Variants in OR2AG1 observed in about 807,000 individuals in gnomAD.
OR2AG1 encodes the protein olfactory receptor family 2 subfamily AG member 1, also known as olfactory receptor 2AG1.
For synonymous variants in OR2AG1, 157 were observed against 155.6 expected (o/e 1.01, Z -0.07); for missense variants, 391 against 385.9 (o/e 1.01, Z -0.11).
chr11:6,788,151 T>C lies in OR2AG1; in HGVS notation c.*2163T>C, dbSNP rs2133029898. 1 of 152,280 alleles carries C rather than the reference T, an allele frequency of 6.6e-6. No individual in the cohort carries two copies. Among genetic ancestry groups the C allele is most frequent in the African/African-American group, 2.4e-5 (1 of 41,548 alleles). 9.4% of individuals were successfully genotyped at this position (152,280 alleles called of 1,614,324 possible). ...GAAAGAGAAATATTTAAAATATTTG[T>C]ATAGTGAAGGATATCTTTTATTTTT... On this transcript the variant is annotated 3_prime_UTR_variant, in exon 2 of 2. Coordinates refer to ENST00000641258, the MANE Select transcript of OR2AG1 (RefSeq NM_001004489.3).
Position 6,787,726 on chromosome 11 carries a change from T to C in OR2AG1, c.*1738T>C, listed in dbSNP as rs2741749. 0.39 allele frequency: 58,682 copies of C among 151,462 alleles called. 12,080 individuals carry two copies. The highest frequency in any genetic ancestry group is 0.48 in the East Asian group (2,459 of 5,152). 9.4% of individuals were successfully genotyped at this position (151,462 alleles called of 1,614,324 possible). A position where few individuals can be genotyped will look rare whatever the true frequency, so the allele number is the denominator to read the frequency against. On this transcript the variant is annotated 3_prime_UTR_variant, in exon 2 of 2. Transcript: ENST00000641258. ...GTGTATGTGTGTGTGAAATCAATAA[T>C]GTCAATCTCTTGGATGTGTGACTTT...
rs1847689333 is a variant in OR2AG1, at chr11:6,791,502, A to G, written c.*5514A>G. 1 of 152,232 alleles carries G rather than the reference A, an allele frequency of 6.6e-6. No individual in the cohort carries two copies. Among genetic ancestry groups the G allele is most frequent in the African/African-American group, 2.4e-5 (1 of 41,450 alleles). The allele number at this position is 152,232 out of a possible 1,614,324, so 9.4% of individuals were successfully genotyped here. On this transcript the variant is annotated 3_prime_UTR_variant, in exon 2 of 2. Transcript: ENST00000641258. ...TTTAGAGTTGCTAAGTATATAAAGC[A>G]CTAACTTTATCAATTTTGTTAATTA...
At position 6,787,578 on chromosome 11, in the gene OR2AG1, A is replaced by G. The variant is rs957621042; in HGVS notation, c.*1590A>G. 6.6e-6 allele frequency: 1 copy of G among 151,994 alleles called. No individual in the cohort carries two copies. The highest frequency in any genetic ancestry group is 1.5e-5 in the Non-Finnish European group (1 of 67,954). 9.4% of individuals were successfully genotyped at this position (151,994 alleles called of 1,614,324 possible). A position where few individuals can be genotyped will look rare whatever the true frequency, so the allele number is the denominator to read the frequency against. ...ATGGCCCTGAAAATACTGTTGAGTGATGGTATAATGTTACATCATATGGGT... is the reference window on the plus strand; with the variant it reads ...ATGGCCCTGAAAATACTGTTGAGTGGTGGTATAATGTTACATCATATGGGT... On this transcript the variant is annotated 3_prime_UTR_variant, in exon 2 of 2. Transcript: ENST00000641258.
Position 6,785,978 on chromosome 11 carries a change from C to T in OR2AG1, c.941C>T (p.Ser314Phe). 1.9e-6 allele frequency: 3 copies of T among 1,610,758 alleles called. No homozygotes were observed. Among genetic ancestry groups the T allele is most frequent in the Non-Finnish European group, 2.5e-6 (3 of 1,177,854 alleles). The change falls in exon 2 of 2, where the codon TCC becomes TTC. Residue 314 changes from serine (S) to phenylalanine (F), a missense_variant. Transcript: ENST00000641258. Reference sequence around the variant, plus strand: ...GGAAAATACATGCTGCCAGCACACTCCACGCTCTAGGGAAGGATCATGGCT... The same window carrying T: ...GGAAAATACATGCTGCCAGCACACTTCACGCTCTAGGGAAGGATCATGGCT... ...VLGKYMLPAH[S>F]TL
rs1265406060 is a variant in OR2AG1 at position 6,786,964 on chromosome 11, A to G, written c.*976A>G. ...AGTTGCATTTTGAAGATTAAAAATAATATAAAATGATATGGCTAATTACAT... is the reference window on the plus strand; with the variant it reads ...AGTTGCATTTTGAAGATTAAAAATAGTATAAAATGATATGGCTAATTACAT... On this transcript the variant is annotated 3_prime_UTR_variant, in exon 2 of 2. Coordinates refer to ENST00000641258, the MANE Select transcript of OR2AG1 (RefSeq NM_001004489.3). The G allele has an allele frequency of 6.6e-6, 1 of 152,232 alleles. No homozygotes were observed. The highest frequency in any genetic ancestry group is 1.5e-5 in the Non-Finnish European group (1 of 68,022). The allele number at this position is 152,232 out of a possible 1,614,324, so 9.4% of individuals were successfully genotyped here.
Position 6,788,495 on chromosome 11 carries a change from T to C in OR2AG1, c.*2507T>C, listed in dbSNP as rs958864877. 1.3e-5 allele frequency: 2 copies of C among 152,204 alleles called. No individual in the cohort carries two copies. Among genetic ancestry groups the C allele is most frequent in the Non-Finnish European group, 2.9e-5 (2 of 68,030 alleles). 9.4% of individuals were successfully genotyped at this position (152,204 alleles called of 1,614,324 possible). ...TTCAGTTCTAGCTTCTTTCTCCTCT[T>C]TACTCTTTTGGAAGACATTTGATTC... On this transcript the variant is annotated 3_prime_UTR_variant, in exon 2 of 2. Transcript: ENST00000641258.
rs997913088 is a variant in OR2AG1 at position 6,787,512 on chromosome 11, C to T, written c.*1524C>T. 6 of 151,934 alleles carry T rather than the reference C, an allele frequency of 3.9e-5. No homozygotes were observed. Among genetic ancestry groups the T allele is most frequent in the South Asian group, 2.1e-4 (1 of 4,818 alleles). 9.4% of individuals were successfully genotyped at this position (151,934 alleles called of 1,614,324 possible). On this transcript the variant is annotated 3_prime_UTR_variant, in exon 2 of 2. Coordinates refer to ENST00000641258, the MANE Select transcript of OR2AG1 (RefSeq NM_001004489.3). ...CTTTATACTTGTAATCAGCATGTGTCGTATAATAAGTATTTAATAAATTTA... is the reference window on the plus strand; with the variant it reads ...CTTTATACTTGTAATCAGCATGTGTTGTATAATAAGTATTTAATAAATTTA...
intron 1 of OR2AG1, among the ~76,000 whole-genome samples, chr11:6,784,300 A>G (rs1282140572): frequency 6.6e-6 from 1 of 152,192 alleles, no homozygotes; most frequent in Non-Finnish European, 1.5e-5. Context: ...AAGCCCTCAT[A>G]TGTTATATTT....
rs1589997274 is a variant in OR2AG1 at position 6,789,055 on chromosome 11, G to T, written c.*3067G>T. The T allele has an allele frequency of 1.3e-5, 2 of 149,810 alleles. No homozygotes were observed. The allele number at this position is 149,810 out of a possible 1,614,324, so 9.3% of individuals were successfully genotyped here. On this transcript the variant is annotated 3_prime_UTR_variant, in exon 2 of 2. Transcript: ENST00000641258. The stretch of plus-strand genomic sequence containing the variant: ...AAAAAAATACAAAGGGAACACTTAT[G>T]CCCATTTTCTCCTCTGCTGATCTTC...
chr11:6,785,581 C>T lies in OR2AG1; in HGVS notation c.544C>T (p.Pro182Ser), dbSNP rs1422251251. 2 of 1,614,132 alleles carry T rather than the reference C, an allele frequency of 1.2e-6. No individual in the cohort carries two copies. Among genetic ancestry groups the T allele is most frequent in the South Asian group, 1.1e-5 (1 of 91,078 alleles). The change falls in exon 2 of 2, where the codon CCA (proline) becomes TCA (serine). Residue 182 changes from proline (P) to serine (S), a missense_variant. By Grantham distance (74) the Pro-to-Ser change is moderately conservative (BLOSUM62 -1). Coordinates refer to ENST00000641258, the MANE Select transcript of OR2AG1 (RefSeq NM_001004489.3). ...QEIRHLLCEIPHLLKVACADT... is the reference protein window; with the variant it reads ...QEIRHLLCEISHLLKVACADT... ...GATCAGGCATCTTCTCTGTGAGATCCCACACTTGCTGAAGGTGGCCTGTGC... is the reference window on the plus strand; with the variant it reads ...GATCAGGCATCTTCTCTGTGAGATCTCACACTTGCTGAAGGTGGCCTGTGC...
intron 1 of OR2AG1, 128 bp from the exon 2 acceptor site, chr11:6,784,890 C>T (rs754706583): frequency 2.5e-5 from 14 of 554,462 alleles, no homozygotes; most frequent in Non-Finnish European, 4.1e-5. Flanking sequence ...ATTCAGAAAT[C>T]GAGAGGCAAA....
intron 1 of OR2AG1, among the ~76,000 whole-genome samples, chr11:6,783,778 A>G (rs1442882236): frequency 2.0e-5 from 3 of 152,242 alleles, no homozygotes; most frequent in African/African-American, 4.8e-5. Context: ...CATCTATCAG[A>G]TGATGAATAT....
At position 6,787,209 on chromosome 11, in the gene OR2AG1, T is replaced by C. The variant is rs1225802645; in HGVS notation, c.*1221T>C. The C allele has an allele frequency of 6.6e-6, 1 of 152,196 alleles. No individual in the cohort carries two copies. Among genetic ancestry groups the C allele is most frequent in the African/African-American group, 2.4e-5 (1 of 41,460 alleles). The allele number at this position is 152,196 out of a possible 1,614,324, so 9.4% of individuals were successfully genotyped here. ...ATGCATTTTACTGAGTTGATGTGTG[T>C]GTGTAAAACAGATTTTTTTAACCTA... On this transcript the variant is annotated 3_prime_UTR_variant, in exon 2 of 2. Coordinates refer to ENST00000641258, the MANE Select transcript of OR2AG1 (RefSeq NM_001004489.3).
In OR2AG1 at chr11:6,789,134, G is replaced by A. The variant is rs12274500; in HGVS notation, c.*3146G>A. ...AGCTCTGGTCTCTTTCTATGGACCT[G>A]TTCTTTGTGAAAATTATCATTAATG... On this transcript the variant is annotated 3_prime_UTR_variant, in exon 2 of 2. Transcript: ENST00000641258. 1.3e-5 allele frequency: 2 copies of A among 151,738 alleles called. No individual in the cohort carries two copies. The highest frequency in any genetic ancestry group is 4.8e-5 in the African/African-American group (2 of 41,282). 9.4% of individuals were successfully genotyped at this position (151,738 alleles called of 1,614,324 possible).
chr11:6,784,366 T>C (rs7114671), intron 1 of OR2AG1, among the ~76,000 whole-genome samples: 40,715 of 152,078 alleles, frequency 0.27, 5,899 homozygotes, highest in Middle Eastern at 0.35. Flanking sequence ...AACACATTTG[T>C]ATTGACCCTA....
chr11:6,788,126 GAA>G lies in OR2AG1; in HGVS notation c.*2140_*2141del, dbSNP rs1330962174. On this transcript the variant is annotated 3_prime_UTR_variant, in exon 2 of 2. Transcript: ENST00000641258. Reference sequence around the variant, plus strand: ...AATATCTGCATGGCAGAGATTTTTAGAAAGAGAAATATTTAAAATATTTGTAT... The same window carrying G: ...AATATCTGCATGGCAGAGATTTTTAGAGAGAAATATTTAAAATATTTGTAT... 4 of 152,036 alleles carry G rather than the reference GAA, an allele frequency of 2.6e-5. No individual in the cohort carries two copies. The East Asian group carries it at 7.7e-4, about 29-fold the overall frequency. 9.4% of individuals were successfully genotyped at this position (152,036 alleles called of 1,614,324 possible).
rs1029412356 is a variant in OR2AG1 at position 6,787,831 on chromosome 11, C to G, written c.*1843C>G. On this transcript the variant is annotated 3_prime_UTR_variant, in exon 2 of 2. Coordinates refer to ENST00000641258, the MANE Select transcript of OR2AG1 (RefSeq NM_001004489.3). ...GTTTAATACTCTTCATATGAAAAGACAAATTGTTTTCTTAAAATGTTAAAT... is the reference window on the plus strand; with the variant it reads ...GTTTAATACTCTTCATATGAAAAGAGAAATTGTTTTCTTAAAATGTTAAAT... The G allele has an allele frequency of 6.6e-6, 1 of 152,084 alleles. No homozygotes were observed. Among genetic ancestry groups the G allele is most frequent in the South Asian group, 2.1e-4 (1 of 4,820 alleles). The allele number at this position is 152,084 out of a possible 1,614,324, so 9.4% of individuals were successfully genotyped here. A position where few individuals can be genotyped will look rare whatever the true frequency, so the allele number is the denominator to read the frequency against.
chr11:6,790,488 G>A lies in OR2AG1; in HGVS notation c.*4500G>A, dbSNP rs1847678256. The A allele has an allele frequency of 6.6e-6, 1 of 151,776 alleles. No homozygotes were observed. The highest frequency in any genetic ancestry group is 6.6e-5 in the Admixed American group (1 of 15,242). The allele number at this position is 151,776 out of a possible 1,614,324, so 9.4% of individuals were successfully genotyped here. A position where few individuals can be genotyped will look rare whatever the true frequency, so the allele number is the denominator to read the frequency against. On this transcript the variant is annotated 3_prime_UTR_variant, in exon 2 of 2. Coordinates refer to ENST00000641258, the MANE Select transcript of OR2AG1 (RefSeq NM_001004489.3). The stretch of plus-strand genomic sequence containing the variant: ...CTTGCATGTGGTCATCATTTCACAG[G>A]GTATACGTATATCAAATCATCACAC...
In OR2AG1 at chr11:6,785,615, C is replaced by A; in HGVS notation, c.578C>A (p.Ser193Tyr). The A allele has an allele frequency of 6.2e-7, 1 of 1,613,984 alleles. No individual in the cohort carries two copies. The change falls in exon 2 of 2, where the codon TCC (serine) becomes TAC (tyrosine). Residue 193 changes from serine to tyrosine, a missense_variant. Physicochemically the swap from Ser to Tyr is moderately radical, Grantham distance 144. Coordinates refer to ENST00000641258, the MANE Select transcript of OR2AG1 (RefSeq NM_001004489.3). ...HLLKVACADT[S>Y]RYELMVYVMG... ...CTGAAGGTGGCCTGTGCTGATACCTCCAGATATGAGCTCATGGTATATGTG... is the reference window on the plus strand; with the variant it reads ...CTGAAGGTGGCCTGTGCTGATACCTACAGATATGAGCTCATGGTATATGTG...
Sources: allele counts gnomAD v4.1 joint callset (sites outside exome capture counted in the v4.1 genomes callset), GRCh38; gene constraint gnomAD v4.1.1; transcripts MANE v1.5; gene names NCBI Gene and HGNC (gene_info 2026-07-23, HGNC 2026-07-21).